ENOX1: variants seen among roughly 807,000 people sequenced by gnomAD.
ENOX1 encodes candidate growth-related and time keeping constitutive hydroquinone (NADH) oxidase.
In ENOX1, 42 loss-of-function variants were observed where a neutral mutation model predicts 82.5. That is an observed-to-expected ratio of 0.51 (90% confidence interval 0.40 to 0.66). ENOX1 has a LOEUF of 0.66. Ranked by LOEUF, ENOX1 falls within the 30% of genes least tolerant of loss-of-function variation. The probability of loss-of-function intolerance (pLI) is 0.00; values close to 1 mark genes in which losing one functional copy is unlikely to be tolerated. For missense variants in ENOX1, 608 were observed against 811.6 expected, an observed-to-expected ratio of 0.75 and a Z score of 3.05; for synonymous variants, 271 against 282.2, an observed-to-expected ratio of 0.96 and a Z score of 0.40.
intron 15 of ENOX1, among the ~76,000 whole-genome samples, chr13:43,236,172 C>T (rs1054867859): frequency 1.3e-5 from 2 of 152,176 alleles, no homozygotes; most frequent in African/African-American, 4.8e-5. Context: ...AGCATCAGTA[C>T]CCTGCATGGC....
chr13:43,621,308 T>G (rs189813565), intron 2 of ENOX1, among the ~76,000 whole-genome samples: 2 of 152,022 alleles, frequency 1.3e-5, no homozygotes, highest in Non-Finnish European at 1.5e-5. Context: ...TTTCGTTTTG[T>G]TTTTTTGCTT....
chr13:43,579,573 C>T (rs551674805), intron 2 of ENOX1, among the ~76,000 whole-genome samples: 1 of 152,288 alleles, frequency 6.6e-6, no homozygotes, highest in South Asian at 2.1e-4. Context: ...GTTTATCTTT[C>T]ACTATCCATG....
intron 9 of ENOX1, among the ~76,000 whole-genome samples, chr13:43,344,033 A>C (rs1488894805): frequency 1.3e-5 from 2 of 152,186 alleles, no homozygotes; most frequent in Non-Finnish European, 2.9e-5. Flanking sequence ...AGGACAAAAA[A>C]ATCTCTACTC....
At chr13:43,670,819 G>A (rs2085226513) in intron 1 of ENOX1, among the ~76,000 whole-genome samples, 1 of 151,908 alleles carries the variant, frequency 6.6e-6, no homozygotes, top group East Asian at 1.9e-4. Context: ...CTCCAGCCTG[G>A]GCAACAGAGT....
chr13:43,541,933 A>G (rs943444663), intron 2 of ENOX1, among the ~76,000 whole-genome samples: 5 of 152,126 alleles, frequency 3.3e-5, no homozygotes, highest in Admixed American at 6.5e-5. Context: ...TCTAGTTATA[A>G]AAGTTATGTC....
At chr13:43,312,809 G>A (rs1474274489) in intron 11 of ENOX1, among the ~76,000 whole-genome samples, 1 of 152,094 alleles carries the variant, frequency 6.6e-6, no homozygotes, top group Non-Finnish European at 1.5e-5. Flanking sequence ...GAGTTTGCTG[G>A]GTGCGTTGCC....
At chr13:43,615,494 C>CT (rs1484653740) in intron 2 of ENOX1, among the ~76,000 whole-genome samples, 3 of 152,184 alleles carry the variant, frequency 2.0e-5, no homozygotes, top group Non-Finnish European at 1.5e-5. Flanking sequence ...TTTGTTCTCT[C>CT]TTCTTACAGA....
intron 12 of ENOX1, among the ~76,000 whole-genome samples, chr13:43,290,618 G>A (rs2045945551): frequency 6.6e-6 from 1 of 152,124 alleles, no homozygotes; most frequent in Admixed American, 6.5e-5. Flanking sequence ...GAGGGAGAAG[G>A]GCACGGCTGC....
At chr13:43,243,675 A>C (rs1041676404) in intron 14 of ENOX1, among the ~76,000 whole-genome samples, 5 of 152,190 alleles carry the variant, frequency 3.3e-5, no homozygotes, top group African/African-American at 1.2e-4. Flanking sequence ...TCTATCTTAC[A>C]TAATACCACC....
chr13:43,230,854 T>C (rs2042246112), intron 15 of ENOX1, among the ~76,000 whole-genome samples: 1 of 152,218 alleles, frequency 6.6e-6, no homozygotes, highest in Non-Finnish European at 1.5e-5. Flanking sequence ...GAATAAACTA[T>C]CACTTTGTGC....
intron 12 of ENOX1, among the ~76,000 whole-genome samples, chr13:43,280,955 T>C (rs1006634543): frequency 2.6e-5 from 4 of 152,174 alleles, no homozygotes; most frequent in Non-Finnish European, 5.9e-5. Context: ...TTCCAAGTTA[T>C]TTAAACACAT....
chr13:43,394,408 A>C (rs1450133543), intron 5 of ENOX1: 8 of 152,214 alleles, frequency 5.3e-5, no homozygotes, highest in African/African-American at 1.9e-4. Context: ...AAATCTATCA[A>C]AAGCAGAGAA....
At chr13:43,445,274 C>T (rs987253053) in intron 3 of ENOX1, among the ~76,000 whole-genome samples, 1 of 151,964 alleles carries the variant, frequency 6.6e-6, no homozygotes, top group Non-Finnish European at 1.5e-5. Context: ...CAGGCACCCA[C>T]CACCACGCCT....
At chr13:43,706,895 G>T (rs1039860446) in intron 1 of ENOX1, among the ~76,000 whole-genome samples, 1 of 151,796 alleles carries the variant, frequency 6.6e-6, no homozygotes, top group Non-Finnish European at 1.5e-5. Flanking sequence ...GTGCAGTAAG[G>T]CAAGAAAGAT....
intron 3 of ENOX1, among the ~76,000 whole-genome samples, chr13:43,461,799 T>C (rs866617777): frequency 3.9e-5 from 6 of 152,368 alleles, no homozygotes; most frequent in Middle Eastern, 3.4e-3. Flanking sequence ...AGTTCACCTT[T>C]TGAGCCATGC....
At chr13:43,504,422 T>C (rs538557690) in intron 2 of ENOX1, among the ~76,000 whole-genome samples, 33 of 151,908 alleles carry the variant, frequency 2.2e-4, no homozygotes, top group Non-Finnish European at 4.3e-4. Context: ...ACAACCTAAA[T>C]ACCTGTTGAC....
chr13:43,736,041 G>T (rs1442868513), intron 1 of ENOX1, among the ~76,000 whole-genome samples: 1 of 152,046 alleles, frequency 6.6e-6, no homozygotes, highest in Non-Finnish European at 1.5e-5. Flanking sequence ...TTCTTTCATT[G>T]ATTTTTTTTT....
chr13:43,606,981 C>G (rs145889435), intron 2 of ENOX1, among the ~76,000 whole-genome samples: 1,871 of 152,018 alleles, frequency 0.012, 35 homozygotes, highest in African/African-American at 0.043. Flanking sequence ...GTGCTCCAGC[C>G]TGGGTGACAG....
chr13:43,515,718 C>G (rs1438053337), intron 2 of ENOX1, among the ~76,000 whole-genome samples: 1 of 152,192 alleles, frequency 6.6e-6, no homozygotes, highest in Admixed American at 6.5e-5. Context: ...CAGCTTCAAA[C>G]AAAGAATCAC....
Sources: gnomAD v4.1 joint callset for allele counts (sites outside exome capture counted in the v4.1 genomes callset) on GRCh38, gnomAD v4.1.1 for gene constraint, MANE v1.5 for transcripts, NCBI Gene and HGNC (gene_info 2026-07-23, HGNC 2026-07-21) for gene names.